BRD1: variants seen among roughly 807,000 people sequenced by gnomAD.
The protein encoded by BRD1 is bromodomain-containing protein 1.
BRD1 carries 24 observed loss-of-function variants against 107.7 expected under a neutral mutation model. That is an observed-to-expected ratio of 0.22 (90% CI 0.16 to 0.31). BRD1 has a LOEUF of 0.31. Ranked by LOEUF, BRD1 falls within the 10% of genes least tolerant of loss-of-function variation. The probability of loss-of-function intolerance (pLI) is 1.00; values close to 1 mark genes in which losing one functional copy is unlikely to be tolerated. For synonymous variants in BRD1, 744 were observed against 686.1 expected (o/e 1.08, Z -1.32); for missense variants, 1,279 against 1,638.6 (o/e 0.78, Z 3.79).
rs374731824 is a variant in BRD1, at chr22:49,776,996, G to A, written c.3121+38C>T. On this transcript the variant is annotated intron_variant, in intron 10 of 12. Transcript: ENST00000404760. Reference sequence around the variant, plus strand: ...TCGAGCCCTAAGACGCTAACCAGGAGGTGTGGAGAGCCATGGAGGCAGGTC... The same window carrying A: ...TCGAGCCCTAAGACGCTAACCAGGAAGTGTGGAGAGCCATGGAGGCAGGTC... The A allele has an allele frequency of 5.6e-6, 9 of 1,611,400 alleles. No homozygotes were observed. In the African/African-American group the frequency reaches 1.2e-4, roughly 22 times the overall value.
chr22:49,827,737 G>C lies in BRD1; in HGVS notation c.-255C>G, dbSNP rs1204384583. On this transcript the variant is annotated 5_prime_UTR_variant, in exon 1 of 13. Transcript: ENST00000404760. Reference sequence around the variant, plus strand: ...GCTCGGGCTCGGGGCCCAGCTGGAGGCCCGGCTCGGGGGGCCCGGCCGGCG... The same window carrying C: ...GCTCGGGCTCGGGGCCCAGCTGGAGCCCCGGCTCGGGGGGCCCGGCCGGCG... Among the ~76,000 whole-genome samples the C allele has an allele frequency of 6.9e-6, 1 of 144,536 alleles. No individual in the cohort carries two copies. The highest frequency in any genetic ancestry group is 1.5e-5 in the Non-Finnish European group (1 of 65,128). 94.8% of individuals were successfully genotyped at this position (144,536 alleles called of 152,430 possible).
rs1177879279 is a variant in BRD1 at position 49,783,831 on chromosome 22, C to T, written c.2857+3559G>A. Reference sequence around the variant, plus strand: ...TTGAGCTGATGATTCCAATGTGATCCGCAAGAATTAAGTGAAAGGCAAGAT... The same window carrying T: ...TTGAGCTGATGATTCCAATGTGATCTGCAAGAATTAAGTGAAAGGCAAGAT... On this transcript the variant is annotated intron_variant, in intron 8 of 12. Transcript: ENST00000404760. The surrounding 1 kb of genome is among the most constrained non-coding windows in gnomAD (Gnocchi z 4.2). 1.3e-5 allele frequency among the ~76,000 whole-genome samples: 2 copies of T among 152,142 alleles called. No individual in the cohort carries two copies. Among genetic ancestry groups the T allele is most frequent in the African/African-American group, 4.8e-5 (2 of 41,420 alleles).
intron 2 of BRD1, among the ~76,000 whole-genome samples, chr22:49,813,209 A>C (rs961134857): frequency 3.9e-5 from 6 of 152,260 alleles, no homozygotes; most frequent in African/African-American, 1.2e-4. Context: ...TAGGCAACAC[A>C]GTGAGACGCC....
intron 8 of BRD1, among the ~76,000 whole-genome samples, chr22:49,784,786 C>A (rs1243129581): frequency 2.0e-5 from 3 of 152,172 alleles, no homozygotes; most frequent in Non-Finnish European, 2.9e-5. Flanking sequence ...GGGCGGATGG[C>A]GGGACTGGCA....
In BRD1 at chr22:49,823,725, T is replaced by C; in HGVS notation, c.593A>G (p.His198Arg). 6.2e-7 allele frequency: 1 copy of C among 1,614,054 alleles called. No homozygotes were observed. The highest frequency in any genetic ancestry group is 8.5e-7 in the Non-Finnish European group (1 of 1,180,002). Residue 198 changes from histidine (H) to arginine (R), a missense_variant, in exon 2 of 13, where the codon CAC becomes CGC. His to Arg is a conservative substitution (Grantham distance 29). Around this residue, in one of 7 missense-constraint regions of BRD1, gnomAD observed 158 missense variants for 310.2 expected, o/e 0.51. Coordinates refer to ENST00000404760, the MANE Select transcript of BRD1 (RefSeq NM_001304808.3). Reference sequence around the variant, plus strand: ...CTCGCCCTGCTTCTGGTTCTCGCAGTGCGACTCCTTCTCGAAGCGGTCCAT... The same window carrying C: ...CTCGCCCTGCTTCTGGTTCTCGCAGCGCGACTCCTTCTCGAAGCGGTCCAT... The part of the protein sequence containing the change: ...FLMDRFEKES[H>R]CENQKQGEQQ...
rs199924628 is a variant in BRD1, at chr22:49,777,166, G to T, written c.2994-5C>A. The T allele has an allele frequency of 6.2e-7, 1 of 1,612,392 alleles. No homozygotes were observed. The highest frequency in any genetic ancestry group is 1.3e-5 in the African/African-American group (1 of 75,068). The stretch of plus-strand genomic sequence containing the variant: ...CCACATTTGGGCGCATTAAAGCTTC[G>T]GGAGGAAGAGCAGAGGGAGTCAGGC... On this transcript the variant is annotated splice_polypyrimidine_tract_variant and splice_region_variant and intron_variant, in intron 9 of 12. Transcript: ENST00000404760.
At chr22:49,808,819 A>G (rs1186878106) in intron 2 of BRD1, among the ~76,000 whole-genome samples, 1 of 152,228 alleles carries the variant, frequency 6.6e-6, no homozygotes, top group Non-Finnish European at 1.5e-5. Flanking sequence ...CTGAGTCAAT[A>G]CATCAGAAGA....
intron 2 of BRD1, among the ~76,000 whole-genome samples, chr22:49,815,539 T>C (rs990095037): frequency 7.1e-6 from 1 of 140,100 alleles, no homozygotes; most frequent in Admixed American, 6.7e-5. Flanking sequence ...CAAGACTCCA[T>C]CTCAAAAAGA....
At position 49,774,124 on chromosome 22, in the gene BRD1, GAATT is replaced by G. The variant is rs1213336677; in HGVS notation, c.*105_*108del. The G allele has an allele frequency of 1.5e-6, 2 of 1,376,240 alleles. No homozygotes were observed. Among genetic ancestry groups the G allele is most frequent in the Non-Finnish European group, 1.9e-6 (2 of 1,035,262 alleles). The allele number at this position is 1,376,240 out of a possible 1,614,324, so 85.3% of individuals were successfully genotyped here. On this transcript the variant is annotated 3_prime_UTR_variant, in exon 13 of 13. Coordinates refer to ENST00000404760, the MANE Select transcript of BRD1 (RefSeq NM_001304808.3). ...AACCTCCCCCCTCCCCGGGGAAAAA[GAATT>G]AAAGAGCTATAACTAAAAATCAGAA...
intron 11 of BRD1, 117 bp downstream of exon 11, chr22:49,775,933 C>A (rs1232053554): frequency 3.8e-5 from 46 of 1,224,272 alleles, no homozygotes; most frequent in Middle Eastern, 2.7e-4. Flanking sequence ...CAACCCCGCC[C>A]CCCCGCCAGC....
At chr22:49,820,870 C>T (rs1362396234) in intron 2 of BRD1, 1 of 152,340 alleles carries the variant, frequency 6.6e-6, no homozygotes, top group Non-Finnish European at 1.5e-5. Context: ...GGGAGCTCCT[C>T]CACTGGTGGC....
At chr22:49,798,850 C>CA in intron 4 of BRD1, 138 bp downstream of exon 4, 1 of 1,435,018 alleles carries the variant, frequency 7.0e-7, no homozygotes, top group Non-Finnish European at 9.1e-7. Flanking sequence ...GGCAGCCAGG[C>CA]ACCCAGCCTG....
chr22:49,792,968 A>C lies in BRD1; in HGVS notation c.2359+1066T>G, dbSNP rs1305110867. Among the ~76,000 whole-genome samples the C allele has an allele frequency of 6.6e-6, 1 of 152,208 alleles. No individual in the cohort carries two copies. The highest frequency in any genetic ancestry group is 2.4e-5 in the African/African-American group (1 of 41,450). On this transcript the variant is annotated intron_variant, in intron 7 of 12. Coordinates refer to ENST00000404760, the MANE Select transcript of BRD1 (RefSeq NM_001304808.3). The surrounding 1 kb of genome is among the most constrained non-coding windows in gnomAD (Gnocchi z 4.2). Reference sequence around the variant, plus strand: ...TGCGTCACTCCGAGCACAGACGTCCATAAGAGATGAACGTCTTTGTTTTAA... The same window carrying C: ...TGCGTCACTCCGAGCACAGACGTCCCTAAGAGATGAACGTCTTTGTTTTAA...
In BRD1 at chr22:49,824,000, G is replaced by C; in HGVS notation, c.318C>G (p.Ser106Arg). 1.2e-6 allele frequency: 2 copies of C among 1,613,908 alleles called. No individual in the cohort carries two copies. The highest frequency in any genetic ancestry group is 1.7e-6 in the Non-Finnish European group (2 of 1,180,038). The change falls in exon 2 of 13, where the codon AGC becomes AGG. Residue 106 changes from serine (S) to arginine (R), a missense_variant. Transcript: ENST00000404760. ...TGGCCGAGGCCGGCGTGCCGTGGGC[G>C]CTGGGGAGGGCCTCGTTTTTCTTTT... is the stretch of plus-strand genomic sequence containing the variant. ...RVKKKNEALP[S>R]AHGTPASASA... is the part of the protein sequence containing the mutation.
At chr22:49,817,697 A>G (rs961309743) in intron 2 of BRD1, 5 of 222,398 alleles carry the variant, frequency 2.2e-5, no homozygotes, top group Non-Finnish European at 3.0e-5. Context: ...ATTTCTTGGA[A>G]GAATATCAAT....
intron 2 of BRD1, among the ~76,000 whole-genome samples, chr22:49,804,992 G>C (rs1237817343): frequency 6.6e-6 from 1 of 152,166 alleles, no homozygotes; most frequent in Non-Finnish European, 1.5e-5. Context: ...CTGCACACAA[G>C]CTGACTTCAA....
At chr22:49,805,051 C>T (rs1348336703) in intron 2 of BRD1, among the ~76,000 whole-genome samples, 2 of 152,196 alleles carry the variant, frequency 1.3e-5, no homozygotes, top group East Asian at 1.9e-4. Flanking sequence ...TCCACTCAGA[C>T]GCCATGGGAG....
Position 49,824,046 on chromosome 22 carries a change from C to T in BRD1, c.272G>A (p.Arg91His), listed in dbSNP as rs148133754. Reference protein sequence around the residue: ...ERPPVCLRTKRHKNNRVKKKN... With the variant: ...ERPPVCLRTKHHKNNRVKKKN... ...CTTTTTGACTCTGTTGTTTTTGTGA[C>T]GCTTAGTTCTTAAGCAGACAGGAGG... is the stretch of plus-strand genomic sequence containing the variant. Residue 91 changes from arginine (R) to histidine (H), a missense_variant, in exon 2 of 13, where the codon CGT becomes CAT. By Grantham distance (29) the Arg-to-His change is conservative. Transcript: ENST00000404760. The surrounding 1 kb of genome is among the most constrained non-coding windows in gnomAD (Gnocchi z 5.9). The T allele has an allele frequency of 6.2e-6, 10 of 1,613,894 alleles. No individual in the cohort carries two copies. Among genetic ancestry groups the T allele is most frequent in the South Asian group, 3.3e-5 (3 of 91,090 alleles).
intron 8 of BRD1, among the ~76,000 whole-genome samples, chr22:49,779,772 C>T (rs1410249498): frequency 6.6e-6 from 1 of 152,018 alleles, no homozygotes; most frequent in Non-Finnish European, 1.5e-5. Context: ...TCAGGAGCAG[C>T]GACTCCATCC....
Sources: allele counts gnomAD v4.1 joint callset (sites outside exome capture counted in the v4.1 genomes callset), GRCh38; gene constraint gnomAD v4.1.1; regional missense constraint gnomAD v4.1.1; non-coding constraint Gnocchi (gnomAD v3.1); transcripts MANE v1.5; gene names NCBI Gene and HGNC (gene_info 2026-07-23, HGNC 2026-07-21).